Variants in POLQ observed in about 807,000 individuals in gnomAD.
POLQ encodes the protein DNA polymerase theta.
In POLQ, 233 loss-of-function variants were observed where a neutral mutation model predicts 259.2. That is an observed-to-expected ratio of 0.90 (90% confidence interval 0.81 to 1.00). The LOEUF (loss-of-function observed/expected upper bound fraction) is 1.00. Ranked by LOEUF, POLQ falls within the 50% of genes least tolerant of loss-of-function variation. The pLI, the probability that POLQ is intolerant of heterozygous loss-of-function variation, is 0.00. For synonymous variants in POLQ, 1,025 were observed against 1,048.8 expected (o/e 0.98, Z 0.44); for missense variants, 2,871 against 3,051.6 (o/e 0.94, Z 1.39).
At chr3:121,457,413 A>C (rs1212494762) in intron 25 of POLQ, among the ~76,000 whole-genome samples, 1 of 152,250 alleles carries the variant, frequency 6.6e-6, no homozygotes, top group Non-Finnish European at 1.5e-5. Context: ...GAGCTTCTGC[A>C]CAGCAAAAGA....
At chr3:121,478,707 T>TA (rs1395113807) in intron 19 of POLQ, among the ~76,000 whole-genome samples, 19 of 151,988 alleles carry the variant, frequency 1.3e-4, no homozygotes, top group Admixed American at 9.8e-4. Flanking sequence ...GAACTAATAT[T>TA]AAGAGAAAGC....
Position 121,472,143 on chromosome 3 carries a change from C to A in POLQ, c.6565G>T (p.Ala2189Ser). Residue 2189 changes from alanine (A) to serine (S), a missense_variant, in exon 22 of 30, where the codon GCA (alanine) becomes TCA (serine). By Grantham distance (99) the Ala-to-Ser change is moderately conservative. Coordinates refer to ENST00000264233, the MANE Select transcript of POLQ (RefSeq NM_199420.4). ...TSKDVLNKLK[A>S]LHPLPGLILE... ...ATCAAGCCTGGTAAAGGATGTAATG[C>A]CTTTAATTTATTTAAAACGTCCTGC... is the stretch of plus-strand genomic sequence containing the variant. 1 of 1,498,252 alleles carries A rather than the reference C, an allele frequency of 6.7e-7. No individual in the cohort carries two copies. 92.8% of individuals were successfully genotyped at this position (1,498,252 alleles called of 1,614,324 possible).
intron 9 of POLQ, 29 bp downstream of exon 9, chr3:121,519,842 C>A (rs372088977): frequency 3.3e-6 from 4 of 1,211,630 alleles, no homozygotes; most frequent in Non-Finnish European, 4.9e-6. Context: ...TTCAGCAATG[C>A]TGCTACAATT....
intron 12 of POLQ, 94 bp from the exon 13 acceptor site, chr3:121,498,764 GA>G: frequency 1.2e-6 from 1 of 858,734 alleles, no homozygotes; most frequent in East Asian, 2.7e-5. Flanking sequence ...AGCCAGGCAT[GA>G]TGGTATGTGC....
intron 25 of POLQ, among the ~76,000 whole-genome samples, chr3:121,457,925 T>C (rs1190375888): frequency 6.6e-6 from 1 of 152,082 alleles, no homozygotes; most frequent in Non-Finnish European, 1.5e-5. Context: ...GCTATAAAGA[T>C]ACATGCACAC....
chr3:121,489,329 T>C lies in POLQ; in HGVS notation c.3602A>G (p.His1201Arg), dbSNP rs3218651. The C allele has an allele frequency of 0.19, 302,115 of 1,612,746 alleles. 35,798 individuals are homozygous for C. Among genetic ancestry groups the C allele is most frequent in the East Asian group, 0.59 (26,477 of 44,856 alleles). The change falls in exon 16 of 30, where the codon CAT becomes CGT. Residue 1201 changes from histidine to arginine, a missense_variant. Transcript: ENST00000264233. Reference sequence around the variant, plus strand: ...TTTGGTAATAGTGCTTGTCTGTTCATGAGATTGCTTTCGCAGGTACTGGTT... The same window carrying C: ...TTTGGTAATAGTGCTTGTCTGTTCACGAGATTGCTTTCGCAGGTACTGGTT... ...PINQYLRKQS[H>R]EQTSTITKQK... is the part of the protein sequence containing the mutation.
intron 26 of POLQ, among the ~76,000 whole-genome samples, chr3:121,444,450 C>A (rs2047617106): frequency 6.6e-6 from 1 of 152,122 alleles, no homozygotes; most frequent in South Asian, 2.1e-4. Flanking sequence ...TTGTATCCTG[C>A]AACTATACTA....
chr3:121,540,690 CTA>C (rs1429143508), intron 3 of POLQ, among the ~76,000 whole-genome samples: 2 of 152,168 alleles, frequency 1.3e-5, no homozygotes, highest in African/African-American at 4.8e-5. Flanking sequence ...TCTTTCCTTT[CTA>C]TGCTTCAGTC....
chr3:121,437,942 A>G (rs2047557663), intron 27 of POLQ, among the ~76,000 whole-genome samples: 1 of 152,154 alleles, frequency 6.6e-6, no homozygotes, highest in South Asian at 2.1e-4. Flanking sequence ...AAACAAAACT[A>G]TAGTGTTAGA....
intron 19 of POLQ, among the ~76,000 whole-genome samples, chr3:121,479,473 G>A (rs986826338): frequency 1.3e-5 from 2 of 151,674 alleles, no homozygotes; most frequent in East Asian, 3.9e-4. Context: ...TTGTTTGTTT[G>A]TTTTTGTGAT....
At chr3:121,529,189 G>A (rs910561417) in intron 7 of POLQ, among the ~76,000 whole-genome samples, 3 of 126,546 alleles carry the variant, frequency 2.4e-5, no homozygotes, top group Admixed American at 1.7e-4. Flanking sequence ...ATGAACGCAC[G>A]CAATTCAAAC....
rs150073681 is a variant in POLQ at position 121,509,634 on chromosome 3, A to G, written c.1886T>C (p.Leu629Ser). The G allele has an allele frequency of 2.9e-5, 47 of 1,613,594 alleles. No individual in the cohort carries two copies. The African/African-American group carries it at 3.9e-4, about 13-fold the overall frequency. ...LSSSLSPADT[L>S]DIFADLQRAM... ...TCTTTGCAGGTCAGCAAAAATATCT[A>G]AAGTATCAGCTGGAGAAAGTGAAGA... The change falls in exon 12 of 30, where the codon TTA (leucine) becomes TCA (serine). Residue 629 changes from leucine (L) to serine (S), a missense_variant. Leu to Ser is a moderately radical substitution (Grantham distance 145). Transcript: ENST00000264233.
At chr3:121,538,962 C>A (rs966576333) in intron 4 of POLQ, among the ~76,000 whole-genome samples, 1 of 152,150 alleles carries the variant, frequency 6.6e-6, no homozygotes, top group Non-Finnish European at 1.5e-5. Flanking sequence ...GATAGAAAAT[C>A]TTCCCACAAT....
intron 19 of POLQ, among the ~76,000 whole-genome samples, chr3:121,477,230 A>G (rs755703144): frequency 2.0e-5 from 3 of 152,142 alleles, no homozygotes; most frequent in Non-Finnish European, 4.4e-5. Flanking sequence ...TGCCCCATTC[A>G]GCTTCAATAT....
intron 26 of POLQ, among the ~76,000 whole-genome samples, chr3:121,445,992 T>A (rs1442966951): frequency 6.6e-6 from 1 of 152,198 alleles, no homozygotes; most frequent in Non-Finnish European, 1.5e-5. Flanking sequence ...TGGATTTGCC[T>A]TGCTCTTACT....
chr3:121,432,891 G>A (rs1292445641), intron 29 of POLQ, 27 bp downstream of exon 29: 3 of 1,250,566 alleles, frequency 2.4e-6, no homozygotes, highest in African/African-American at 3.0e-5. Flanking sequence ...TCTTCCTATG[G>A]AATGGACACA....
intron 5 of POLQ, among the ~76,000 whole-genome samples, 191 bp downstream of exon 5, chr3:121,536,909 G>A (rs2048455381): frequency 6.6e-6 from 1 of 152,144 alleles, no homozygotes; most frequent in African/African-American, 2.4e-5. Context: ...CTTCCAAAGT[G>A]CTGGGATTAC....
In POLQ at chr3:121,435,005, T is replaced by A. The variant is rs190852174; in HGVS notation, c.7543+1117A>T. Among the ~76,000 whole-genome samples the A allele has an allele frequency of 7.6e-3, 1,148 of 151,538 alleles. 22 individuals are homozygous for A. Among genetic ancestry groups the A allele is most frequent in the African/African-American group, 0.024 (971 of 41,302 alleles). On this transcript the variant is annotated intron_variant, in intron 28 of 29. Transcript: ENST00000264233. ...AACCCCCTCTCTACTAAAAAAAAAA[T>A]TTTTTTAAATTAGCCAGGCATGGTG...
chr3:121,432,856 G>C lies in POLQ; in HGVS notation c.7659+62C>G, dbSNP rs2047507537. 5.1e-6 allele frequency: 5 copies of C among 974,608 alleles called. No homozygotes were observed. The East Asian group carries it at 1.2e-4, about 23-fold the overall frequency. The allele number at this position is 974,608 out of a possible 1,614,324, so 60.4% of individuals were successfully genotyped here. On this transcript the variant is annotated intron_variant, in intron 29 of 29. Coordinates refer to ENST00000264233, the MANE Select transcript of POLQ (RefSeq NM_199420.4). ...ATCCTCATGCACAGGAAACAAAGCT[G>C]TCGGCCTGACAATACAGTGTCTTGT...
Sources: allele counts gnomAD v4.1 joint callset (sites outside exome capture counted in the v4.1 genomes callset), GRCh38; gene constraint gnomAD v4.1.1; transcripts MANE v1.5; gene names NCBI Gene and HGNC (gene_info 2026-07-23, HGNC 2026-07-21).